Variants in CDH9 observed in about 807,000 individuals in gnomAD.
CDH9 encodes the protein cadherin-9.
In CDH9, 28 loss-of-function variants were observed where a neutral mutation model predicts 70.9. The ratio of observed to expected loss-of-function variants is 0.40; its 90% CI spans 0.29 to 0.54. The LOEUF (loss-of-function observed/expected upper bound fraction) is 0.54, where lower values mean the gene tolerates loss of function less well. Ranked by LOEUF, CDH9 falls within the 20% of genes least tolerant of loss-of-function variation. CDH9 has a pLI of 0.59. For synonymous variants in CDH9, 409 were observed against 343.1 expected (o/e 1.19, Z -2.12); for missense variants, 874 against 984.4 (o/e 0.89, Z 1.50).
chr5:26,944,267 C>G (rs1204387898), intron 2 of CDH9, among the ~76,000 whole-genome samples: 1 of 149,308 alleles, frequency 6.7e-6, no homozygotes, highest in Admixed American at 6.7e-5. Flanking sequence ...TTATATCTAT[C>G]TTTTATTTTA....
At chr5:26,998,552 G>A (rs892624724) in intron 1 of CDH9, among the ~76,000 whole-genome samples, 6 of 152,134 alleles carry the variant, frequency 3.9e-5, no homozygotes, top group Middle Eastern at 3.4e-3. Flanking sequence ...GACACAGGAA[G>A]GGGAACATCA....
intron 2 of CDH9, among the ~76,000 whole-genome samples, chr5:26,924,580 G>C (rs1475006141): frequency 6.6e-6 from 1 of 151,140 alleles, no homozygotes; most frequent in East Asian, 1.9e-4. Context: ...TTCAGTTCTA[G>C]AGTACATGTG....
At chr5:27,029,365 T>C (rs1743273592) in intron 1 of CDH9, among the ~76,000 whole-genome samples, 1 of 151,892 alleles carries the variant, frequency 6.6e-6, no homozygotes, top group Non-Finnish European at 1.5e-5. Flanking sequence ...GAAGAGAAAA[T>C]ATAGTAGGCT....
intron 2 of CDH9, among the ~76,000 whole-genome samples, chr5:26,923,784 C>T (rs1025067559): frequency 6.6e-6 from 1 of 151,830 alleles, no homozygotes; most frequent in African/African-American, 2.4e-5. Context: ...ACAAACACAT[C>T]GAAATTAATC....
chr5:27,005,996 C>T (rs370067186), intron 1 of CDH9, among the ~76,000 whole-genome samples: 18 of 151,890 alleles, frequency 1.2e-4, no homozygotes, highest in African/African-American at 2.9e-4. Flanking sequence ...AAGAAGGAAA[C>T]GACAGACAAT....
intron 7 of CDH9, among the ~76,000 whole-genome samples, chr5:26,901,537 T>C (rs1322056252): frequency 6.6e-6 from 1 of 151,930 alleles, no homozygotes; most frequent in Non-Finnish European, 1.5e-5. Context: ...ATTAATATGC[T>C]ATATGTAAAG....
intron 1 of CDH9, among the ~76,000 whole-genome samples, chr5:27,020,389 T>G (rs966670857): frequency 1.2e-4 from 18 of 151,572 alleles, no homozygotes; most frequent in Non-Finnish European, 2.5e-4. Flanking sequence ...AATTTTATAT[T>G]TACACAATTG....
At position 26,886,020 on chromosome 5, in the gene CDH9, C is replaced by T; in HGVS notation, c.1576G>A (p.Glu526Lys). 1 of 1,612,268 alleles carries T rather than the reference C, an allele frequency of 6.2e-7. No individual in the cohort carries two copies. Among genetic ancestry groups the T allele is most frequent in the Non-Finnish European group, 8.5e-7 (1 of 1,179,532 alleles). ...TTGAGAGTAAATTCTGGCACTGGTTCAAAAAAGAATTTGTGACCTCGGGGA... is the reference window on the plus strand; with the variant it reads ...TTGAGAGTAAATTCTGGCACTGGTTTAAAAAAGAATTTGTGACCTCGGGGA... ...DPPRGHKFFF[E>K]PVPEFTLNPN... The change falls in exon 10 of 12, where the codon GAA becomes AAA. Residue 526 changes from glutamate (E) to lysine (K), a missense_variant. Coordinates refer to ENST00000231021, the MANE Select transcript of CDH9 (RefSeq NM_016279.4).
Position 26,881,148 on chromosome 5 carries a change from A to G in CDH9, c.2358T>C (p.Ser786=), listed in dbSNP as rs1293173383. Residue 786 remains serine (S), a synonymous_variant, in exon 12 of 12, where the codon AGT becomes AGC. Transcript: ENST00000231021. ...KLADMYGGDD[S]DRD The stretch of plus-strand genomic sequence containing the variant: ...TCAAACAATCCTCTTAGTCTCGGTC[A>G]CTATCATCACCCCCATACATATCGG... 6.8e-6 allele frequency: 11 copies of G among 1,606,026 alleles called. No homozygotes were observed. Among genetic ancestry groups the G allele is most frequent in the Admixed American group, 1.7e-5 (1 of 58,838 alleles).
At chr5:26,970,474 T>C (rs10942222) in intron 2 of CDH9, among the ~76,000 whole-genome samples, 48,522 of 151,920 alleles carry the variant, frequency 0.32, 9,528 homozygotes, top group Non-Finnish European at 0.44. Flanking sequence ...TGTATACACA[T>C]ACACATGATT....
At chr5:26,934,020 G>A (rs1156385877) in intron 2 of CDH9, among the ~76,000 whole-genome samples, 1 of 152,050 alleles carries the variant, frequency 6.6e-6, no homozygotes, top group African/African-American at 2.4e-5. Context: ...GAAGCATGGT[G>A]CCAGCATCTG....
intron 2 of CDH9, 86 bp from the exon 3 acceptor site, chr5:26,916,010 C>A: frequency 1.3e-6 from 1 of 794,848 alleles, no homozygotes; most frequent in Non-Finnish European, 2.0e-6. Flanking sequence ...AATTCGTCTC[C>A]ATATAACAGC....
Position 26,903,740 on chromosome 5 carries a change from TC to T in CDH9, c.895del (p.Glu299LysfsTer31), listed in dbSNP as rs1740898476. The T allele has an allele frequency of 1.2e-6, 2 of 1,607,450 alleles. No individual in the cohort carries two copies. Among genetic ancestry groups the T allele is most frequent in the Non-Finnish European group, 1.7e-6 (2 of 1,175,604 alleles). On this transcript the variant is annotated frameshift_variant, in exon 6 of 12. Coordinates refer to ENST00000231021, the MANE Select transcript of CDH9 (RefSeq NM_016279.4). LOFTEE classifies it high-confidence loss of function. ...RIKANDPDVG[E>X]NAEMEYSIAE... is the part of the protein sequence containing the mutation. ...AATGCTATACTCCATTTCTGCATTT[TC>T]CCCCACGTCAGGGTCATTGGCTTTT...
At chr5:26,944,424 G>A (rs1404299425) in intron 2 of CDH9, among the ~76,000 whole-genome samples, 1 of 152,176 alleles carries the variant, frequency 6.6e-6, no homozygotes, top group African/African-American at 2.4e-5. Context: ...GCTGGGGCAA[G>A]AGGATCGCTT....
intron 7 of CDH9, among the ~76,000 whole-genome samples, chr5:26,897,512 A>C (rs1740774597): frequency 6.6e-6 from 1 of 152,154 alleles, no homozygotes; most frequent in Non-Finnish European, 1.5e-5. Flanking sequence ...AGACTGGTTC[A>C]ATATGCATAA....
intron 7 of CDH9, among the ~76,000 whole-genome samples, chr5:26,893,999 A>C (rs984881877): frequency 6.6e-6 from 1 of 152,182 alleles, no homozygotes; most frequent in Non-Finnish European, 1.5e-5. Flanking sequence ...TCATTGGAAC[A>C]ACAAAAATAT....
intron 1 of CDH9, among the ~76,000 whole-genome samples, chr5:27,032,108 A>G (rs1249854446): frequency 1.3e-5 from 2 of 151,870 alleles, no homozygotes; most frequent in Non-Finnish European, 2.9e-5. Context: ...AGAGATATGT[A>G]TAAATATGAA....
At chr5:26,905,007 T>A (rs12188698) in intron 5 of CDH9, among the ~76,000 whole-genome samples, 2,254 of 152,210 alleles carry the variant, frequency 0.015, 18 homozygotes, top group Non-Finnish European at 0.022. Flanking sequence ...TTAGGCTTAT[T>A]ATTTATGTTC....
intron 2 of CDH9, among the ~76,000 whole-genome samples, chr5:26,984,572 T>C (rs767458750): frequency 1.3e-5 from 2 of 152,156 alleles, no homozygotes; most frequent in Non-Finnish European, 2.9e-5. Context: ...TATTCTGGAC[T>C]TTGAACTTAT....
Sources: allele counts gnomAD v4.1 joint callset (sites outside exome capture counted in the v4.1 genomes callset), GRCh38; gene constraint gnomAD v4.1.1; transcripts MANE v1.5; gene names NCBI Gene and HGNC (gene_info 2026-07-23, HGNC 2026-07-21).